The following C1orf87 variants were observed in gnomAD, a reference collection of about 807,000 sequenced individuals.
The protein encoded by C1orf87 is uncharacterized protein C1orf87.
C1orf87 carries 58 observed loss-of-function variants against 60.5 expected under a neutral mutation model. That is an observed-to-expected ratio of 0.96 (90% CI 0.78 to 1.19). The LOEUF is 1.19. Ranked by LOEUF, C1orf87 falls within the 50% of genes most tolerant of loss-of-function variation. C1orf87 has a pLI of 0.00. For missense variants in C1orf87, 673 were observed against 638.6 expected (o/e 1.05, Z -0.58); for synonymous variants, 236 against 227.4 (o/e 1.04, Z -0.34).
chr1:60,023,017 T>G (rs141103912), intron 8 of C1orf87, among the ~76,000 whole-genome samples: 1 of 152,124 alleles, frequency 6.6e-6, no homozygotes, highest in Non-Finnish European at 1.5e-5. Context: ...GAATTTTCCA[T>G]TTAATATTTT....
intron 9 of C1orf87, among the ~76,000 whole-genome samples, chr1:60,006,435 C>G (rs578053033): frequency 6.6e-6 from 1 of 152,024 alleles, no homozygotes; most frequent in East Asian, 1.9e-4. Flanking sequence ...GTATTTTTTT[C>G]CTTAGTAAAA....
At chr1:60,023,645 A>G (rs1292278276) in intron 8 of C1orf87, among the ~76,000 whole-genome samples, 5 of 148,256 alleles carry the variant, frequency 3.4e-5, no homozygotes, top group Non-Finnish European at 7.6e-5. Flanking sequence ...TACTGTTGCT[A>G]TGATTAATGG....
At chr1:60,055,060 T>C (rs915776089) in intron 3 of C1orf87, 144 bp downstream of exon 3, 9 of 778,308 alleles carry the variant, frequency 1.2e-5, no homozygotes, top group Middle Eastern at 2.8e-4. Context: ...CATTTTCAGA[T>C]TGAAAAAAAT....
chr1:60,032,999 T>C (rs950957749), intron 7 of C1orf87, among the ~76,000 whole-genome samples: 1 of 152,148 alleles, frequency 6.6e-6, no homozygotes, highest in Non-Finnish European at 1.5e-5. Flanking sequence ...CCATGAGTTT[T>C]TATGGTTCTG....
At chr1:60,071,423 C>T (rs1334007619) in intron 2 of C1orf87, among the ~76,000 whole-genome samples, 1 of 152,122 alleles carries the variant, frequency 6.6e-6, no homozygotes, top group East Asian at 1.9e-4. Context: ...AAGAATCAGA[C>T]CTAAGATTCA....
At chr1:60,046,065 A>ATTCC (rs535941333) in intron 3 of C1orf87, among the ~76,000 whole-genome samples, 10 of 151,694 alleles carry the variant, frequency 6.6e-5, no homozygotes, top group East Asian at 5.8e-4. Flanking sequence ...ACCTTTTAAA[A>ATTCC]TTCCTTCCTT....
intron 9 of C1orf87, among the ~76,000 whole-genome samples, chr1:60,006,530 C>G (rs373810174): frequency 3.3e-5 from 5 of 151,988 alleles, no homozygotes; most frequent in African/African-American, 9.7e-5. Context: ...GAGCCTCTTA[C>G]GCTACTCCTC....
At chr1:60,000,671 G>A (rs536727414) in intron 10 of C1orf87, among the ~76,000 whole-genome samples, 1 of 151,988 alleles carries the variant, frequency 6.6e-6, no homozygotes, top group South Asian at 2.1e-4. Context: ...AAAATGTGGT[G>A]TCTGGGGAAA....
intron 6 of C1orf87, among the ~76,000 whole-genome samples, chr1:60,035,048 G>A (rs1287881278): frequency 2.0e-5 from 3 of 152,046 alleles, no homozygotes; most frequent in Non-Finnish European, 2.9e-5. Context: ...TAGTGGGCAC[G>A]TGCATTTATT....
chr1:60,054,401 ACTAG>A (rs1645437468), intron 3 of C1orf87, among the ~76,000 whole-genome samples: 1 of 152,236 alleles, frequency 6.6e-6, no homozygotes, highest in African/African-American at 2.4e-5. Context: ...ATGACTAAAG[ACTAG>A]CTAGCAGCTC....
intron 3 of C1orf87, among the ~76,000 whole-genome samples, chr1:60,054,452 A>G (rs1022122019): frequency 2.0e-5 from 3 of 152,222 alleles, no homozygotes; most frequent in Non-Finnish European, 4.4e-5. Flanking sequence ...TACAAACTAA[A>G]AATAGTTATG....
At chr1:60,055,485 C>T (rs934473262) in intron 2 of C1orf87, 47 bp from the exon 3 acceptor site, 6 of 1,516,602 alleles carry the variant, frequency 4.0e-6, no homozygotes, top group Admixed American at 3.4e-5. Flanking sequence ...GCAGACTCCT[C>T]ATACACTAGG....
In C1orf87 at chr1:60,040,630, G is replaced by A. The variant is rs546679702; in HGVS notation, c.483+361C>T. Among the ~76,000 whole-genome samples, 278 of 152,270 alleles carry A rather than the reference G, an allele frequency of 1.8e-3. 1 individual carries two copies. Among genetic ancestry groups the A allele is most frequent in the Middle Eastern group, 6.8e-3 (2 of 294 alleles). ...CAATCCTAGAAAAGGAGGAAGGTGC[G>A]AGGAGCATGAGGAGTTCGGTTGAAA... On this transcript the variant is annotated intron_variant, in intron 4 of 11. Transcript: ENST00000371201.
At chr1:60,006,591 T>C (rs1466123218) in intron 9 of C1orf87, among the ~76,000 whole-genome samples, 1 of 147,956 alleles carries the variant, frequency 6.8e-6, no homozygotes, top group African/African-American at 2.5e-5. Context: ...CTCTGCTCTT[T>C]GCTTTCTGCA....
chr1:60,069,945 G>A (rs1363707570), intron 2 of C1orf87, among the ~76,000 whole-genome samples: 2 of 152,200 alleles, frequency 1.3e-5, no homozygotes, highest in Non-Finnish European at 2.9e-5. Flanking sequence ...GGACACAGAT[G>A]CAGATGCAGG....
chr1:60,023,223 C>A (rs1196729358), intron 8 of C1orf87, among the ~76,000 whole-genome samples: 1 of 152,056 alleles, frequency 6.6e-6, no homozygotes, highest in Non-Finnish European at 1.5e-5. Flanking sequence ...GCGTCCATGT[C>A]TTTATAGTTT....
At chr1:60,023,337 C>T (rs1033546282) in intron 8 of C1orf87, among the ~76,000 whole-genome samples, 1 of 152,084 alleles carries the variant, frequency 6.6e-6, no homozygotes, top group African/African-American at 2.4e-5. Context: ...ATGTATTAGG[C>T]TGCTGGTGTC....
At chr1:59,993,849 C>G (rs186361089) in intron 11 of C1orf87, among the ~76,000 whole-genome samples, 1 of 149,170 alleles carries the variant, frequency 6.7e-6, no homozygotes. Context: ...ACCTCCACTT[C>G]CTGGGTTCAA....
chr1:60,062,801 G>T (rs772595542), intron 2 of C1orf87, among the ~76,000 whole-genome samples: 2 of 152,046 alleles, frequency 1.3e-5, no homozygotes, highest in South Asian at 4.1e-4. Context: ...AAACTATATA[G>T]AATTCAAATG....
Sources: gnomAD v4.1 joint callset for allele counts (sites outside exome capture counted in the v4.1 genomes callset) on GRCh38, gnomAD v4.1.1 for gene constraint, MANE v1.5 for transcripts, NCBI Gene and HGNC (gene_info 2026-07-23, HGNC 2026-07-21) for gene names.